The following PARP16 variants were observed in gnomAD, a reference collection of about 807,000 sequenced individuals.
PARP16 encodes the protein poly(ADP-ribose) polymerase family member 16, also known as protein mono-ADP-ribosyltransferase PARP16.
A neutral mutation model predicts 35.0 loss-of-function variants in PARP16; 31 were observed. The observed-to-expected ratio is 0.88, with a 90% CI of 0.66 to 1.19. PARP16 has a LOEUF of 1.19. Among genes scored for constraint, PARP16 ranks in the 50% most tolerant of loss-of-function variants. The pLI, the probability that PARP16 is intolerant of heterozygous loss-of-function variation, is 0.00. For synonymous variants in PARP16, 162 were observed against 169.5 expected (o/e 0.96, Z 0.34); for missense variants, 424 against 411.2 (o/e 1.03, Z -0.27).
intron 1 of PARP16, among the ~76,000 whole-genome samples, chr15:65,284,059 C>A (rs748277544): frequency 6.6e-6 from 1 of 152,142 alleles, no homozygotes; most frequent in Non-Finnish European, 1.5e-5. Context: ...GTCCCTCAAC[C>A]TCCTAGGAAT....
At chr15:65,286,158 T>C (rs2090586568) in intron 1 of PARP16, 95 bp downstream of exon 1, 2 of 1,025,668 alleles carry the variant, frequency 1.9e-6, no homozygotes, top group East Asian at 3.1e-5. Context: ...GCGGCTGTCA[T>C]GTTTACTAAT....
chr15:65,258,088 G>A (rs1008424085), downstream of PARP16: 1 of 152,172 alleles, frequency 6.6e-6, no homozygotes, highest in Non-Finnish European at 1.5e-5. Context: ...CACTCACAAA[G>A]GCAACTTAAA....
intron 3 of PARP16, among the ~76,000 whole-genome samples, chr15:65,241,528 G>A (rs2089080462): frequency 6.6e-6 from 1 of 152,138 alleles, no homozygotes; most frequent in African/African-American, 2.4e-5. Context: ...CATATGGTCA[G>A]TCTTTTAATT....
At chr15:65,245,746 A>G (rs1224887859) in intron 3 of PARP16, among the ~76,000 whole-genome samples, 1 of 152,186 alleles carries the variant, frequency 6.6e-6, no homozygotes, top group African/African-American at 2.4e-5. Flanking sequence ...GACAGCCATC[A>G]GAGGCGGCCT....
chr15:65,255,353 A>G (rs2089468145), downstream of PARP16, among the ~76,000 whole-genome samples: 2 of 152,248 alleles, frequency 1.3e-5, no homozygotes, highest in African/African-American at 4.8e-5. Flanking sequence ...AAAACTTTTA[A>G]GAAAAATTAG....
downstream of PARP16, among the ~76,000 whole-genome samples, chr15:65,253,566 G>A (rs969207426): frequency 2.0e-5 from 3 of 151,948 alleles, no homozygotes; most frequent in South Asian, 2.1e-4. Context: ...TCCTGACCTC[G>A]TGATCCGCCC....
intron 2 of PARP16, among the ~76,000 whole-genome samples, chr15:65,267,979 C>A (rs1349273929): frequency 1.3e-5 from 2 of 152,006 alleles, no homozygotes; most frequent in Non-Finnish European, 2.9e-5. Flanking sequence ...GCGTGAGCCA[C>A]CACGCCCGGC....
At chr15:65,281,022 C>G (rs2090408037) in intron 1 of PARP16, among the ~76,000 whole-genome samples, 1 of 152,142 alleles carries the variant, frequency 6.6e-6, no homozygotes, top group Non-Finnish European at 1.5e-5. Context: ...GCTCATGTTG[C>G]TGGTCCTCAA....
chr15:65,286,426 TC>T lies in PARP16; in HGVS notation c.-1del. On this transcript the variant is annotated 5_prime_UTR_variant, in exon 1 of 6. Transcript: ENST00000649807. ...GCGGCCGCCCAGCCTGAGGGCTGCA[TC>T]CCAGGTCACTGCGCGTTGCCGGGGT... is the stretch of plus-strand genomic sequence containing the variant. 1 of 1,495,980 alleles carries T rather than the reference TC, an allele frequency of 6.7e-7. No homozygotes were observed. Among genetic ancestry groups the T allele is most frequent in the South Asian group, 1.3e-5 (1 of 76,628 alleles). 92.7% of individuals were successfully genotyped at this position (1,495,980 alleles called of 1,614,324 possible). A position where few individuals can be genotyped will look rare whatever the true frequency, so the allele number is the denominator to read the frequency against.
intron 3 of PARP16, among the ~76,000 whole-genome samples, chr15:65,241,450 A>C (rs888099895): frequency 3.9e-5 from 6 of 152,118 alleles, no homozygotes; most frequent in Non-Finnish European, 8.8e-5. Context: ...CAGTTTTCTA[A>C]AGTGCTTATA....
At chr15:65,257,323 AG>A (rs1219525400), downstream of PARP16, among the ~76,000 whole-genome samples, 5 of 152,188 alleles carry the variant, frequency 3.3e-5, no homozygotes, top group Non-Finnish European at 7.3e-5. Flanking sequence ...AGGCTAAGAC[AG>A]GAGAATTGCT....
intron 1 of PARP16, among the ~76,000 whole-genome samples, chr15:65,271,364 C>G (rs1300367656): frequency 1.3e-5 from 2 of 152,028 alleles, no homozygotes; most frequent in African/African-American, 4.8e-5. Context: ...GCCTCTGCCT[C>G]CTAGGTTCAA....
intron 2 of PARP16, among the ~76,000 whole-genome samples, chr15:65,268,905 C>A (rs1352316994): frequency 6.6e-6 from 1 of 152,066 alleles, no homozygotes; most frequent in Non-Finnish European, 1.5e-5. Context: ...CAGGCATGTG[C>A]CACAATGCCT....
Position 65,272,388 on chromosome 15 carries a change from G to T in PARP16, c.175-1316C>A, listed in dbSNP as rs114730772. Among the ~76,000 whole-genome samples the T allele has an allele frequency of 2.2e-3, 335 of 152,308 alleles. 2 individuals carry two copies. Among genetic ancestry groups the T allele is most frequent in the African/African-American group, 7.2e-3 (299 of 41,564 alleles). ...ATTTCTGATAAGGGACTGGGGACTT[G>T]GACTAACAGATAGCAACAAAGTATC... On this transcript the variant is annotated intron_variant, in intron 1 of 5. Transcript: ENST00000649807.
chr15:65,237,416 A>G (rs547698078), intron 3 of PARP16, among the ~76,000 whole-genome samples: 7 of 152,302 alleles, frequency 4.6e-5, no homozygotes, highest in African/African-American at 1.7e-4. Flanking sequence ...CAAATTTGGA[A>G]AAAAGGGTCT....
intron 3 of PARP16, among the ~76,000 whole-genome samples, chr15:65,236,077 T>G (rs903614212): frequency 1.3e-5 from 2 of 152,050 alleles, no homozygotes; most frequent in Non-Finnish European, 2.9e-5. Flanking sequence ...CAAGCTGGTC[T>G]CAAACTCCTG....
rs1399055412 is a variant in PARP16, at chr15:65,266,511, C to T, written c.519+51G>A. The T allele has an allele frequency of 2.7e-6, 4 of 1,489,626 alleles. No individual in the cohort carries two copies. The African/African-American group carries it at 4.1e-5, about 15-fold the overall frequency. 92.3% of individuals were successfully genotyped at this position (1,489,626 alleles called of 1,614,324 possible). A position where few individuals can be genotyped will look rare whatever the true frequency, so the allele number is the denominator to read the frequency against. The stretch of plus-strand genomic sequence containing the variant: ...TCTGAATCTCCCCCTCCCCACTCTC[C>T]CACCTCCATCCCTGCTTCCCCACAT... On this transcript the variant is annotated intron_variant, in intron 3 of 5. Coordinates refer to ENST00000649807, the MANE Select transcript of PARP16 (RefSeq NM_001316943.2).
intron 3 of PARP16, among the ~76,000 whole-genome samples, chr15:65,239,450 A>AAAAAAAAAAAAAAG (rs2088979699): frequency 7.1e-6 from 1 of 141,060 alleles, no homozygotes; most frequent in Non-Finnish European, 1.6e-5. Context: ...AAAAAAAAAA[A>AAAAAAAAAAAAAAG]AAAGAGAGAA....
chr15:65,240,422 C>T (rs940011556), intron 3 of PARP16, among the ~76,000 whole-genome samples: 4 of 151,548 alleles, frequency 2.6e-5, no homozygotes, highest in Non-Finnish European at 5.9e-5. Flanking sequence ...TGGGGTTTCA[C>T]CATGTTGCCC....
Sources: allele counts gnomAD v4.1 joint callset (sites outside exome capture counted in the v4.1 genomes callset), GRCh38; gene constraint gnomAD v4.1.1; transcripts MANE v1.5; gene names NCBI Gene and HGNC (gene_info 2026-07-23, HGNC 2026-07-21).